Variants in CNKSR2 observed in about 807,000 individuals in gnomAD.
The protein encoded by CNKSR2 is connector enhancer of kinase suppressor of Ras 2, also known as CNK homolog protein 2.
Under a neutral mutation model 84.4 loss-of-function variants are expected in CNKSR2, and 14 were observed. That is an observed-to-expected ratio of 0.17 (90% confidence interval 0.11 to 0.26). The LOEUF is 0.26. CNKSR2 is among the 10% of genes least tolerant of loss of function. CNKSR2 has a pLI of 1.00. For synonymous variants in CNKSR2, 275 were observed against 277.9 expected (o/e 0.99, Z 0.10); for missense variants, 485 against 771.2 (o/e 0.63, Z 4.40).
At chrX:21,569,228 A>G (rs2092265225) in intron 13 of CNKSR2, among the ~76,000 whole-genome samples, 1 of 111,313 alleles carries the variant, frequency 9.0e-6, no homozygotes, top group Non-Finnish European at 1.9e-5. Context: ...TATTATTATT[A>G]TTATTTTTGC....
intron 4 of CNKSR2, among the ~76,000 whole-genome samples, chrX:21,453,301 A>G (rs771431882): frequency 1.3e-4 from 15 of 112,016 alleles, no homozygotes; most frequent in Non-Finnish European, 2.4e-4. Context: ...TTTGCTATAC[A>G]TATATGCAGA....
chrX:21,456,602 T>C (rs1255326553), intron 4 of CNKSR2, among the ~76,000 whole-genome samples: 1 of 111,753 alleles, frequency 8.9e-6, no homozygotes, highest in Non-Finnish European at 1.9e-5. Context: ...GTATCACATT[T>C]TCTGTATCCA....
intron 20 of CNKSR2, among the ~76,000 whole-genome samples, chrX:21,616,967 C>A (rs1275046140): frequency 3.6e-5 from 4 of 112,070 alleles, no homozygotes; most frequent in African/African-American, 1.3e-4. Flanking sequence ...GTAATGACAT[C>A]AGATGTAAAT....
intron 10 of CNKSR2, among the ~76,000 whole-genome samples, chrX:21,530,836 C>A (rs1472701288): frequency 9.0e-6 from 1 of 110,631 alleles, no homozygotes; most frequent in Non-Finnish European, 1.9e-5. Flanking sequence ...CTATTTCTAT[C>A]AAAATGGGCT....
chrX:21,415,848 AC>A (rs2090413484), intron 1 of CNKSR2, among the ~76,000 whole-genome samples: 1 of 102,146 alleles, frequency 9.8e-6, no homozygotes, highest in Non-Finnish European at 2.0e-5. Context: ...ACACACACAC[AC>A]ACACACACAC....
At chrX:21,419,014 C>G (rs2090459407) in intron 1 of CNKSR2, among the ~76,000 whole-genome samples, 2 of 110,930 alleles carry the variant, frequency 1.8e-5, no homozygotes, top group African/African-American at 3.3e-5. Context: ...TCCTCTACCT[C>G]CTGATTAAGG....
In CNKSR2 at chrX:21,374,809, A is replaced by C; in HGVS notation, c.-89A>C. ...CCGCCCGCCCAGGGAGGCTGCGGCC[A>C]GCAAGGGACCCCACCTGAGAGCAGC... On this transcript the variant is annotated 5_prime_UTR_variant, in exon 1 of 22. Transcript: ENST00000379510. 1 of 833,439 alleles carries C rather than the reference A, an allele frequency of 1.2e-6. No individual in the cohort carries two copies. The highest frequency in any genetic ancestry group is 1.8e-6 in the Non-Finnish European group (1 of 552,275). The allele number at this position is 833,439 out of a possible 1,213,427, so 68.7% of individuals were successfully genotyped here. A position where few individuals can be genotyped will look rare whatever the true frequency, so the allele number is the denominator to read the frequency against.
chrX:21,642,195 A>G (rs1304014944), intron 20 of CNKSR2: 1 of 745,142 alleles, frequency 1.3e-6, no homozygotes, highest in Non-Finnish European at 1.6e-6. Flanking sequence ...TGTTTATTCT[A>G]TTATAAAGTG....
Position 21,606,888 on chromosome X carries a change from G to C in CNKSR2, c.2145+9G>C. 9.9e-7 allele frequency: 1 copy of C among 1,009,331 alleles called. No homozygotes were observed. The highest frequency in any genetic ancestry group is 1.4e-6 in the Non-Finnish European group (1 of 726,846). The allele number at this position is 1,009,331 out of a possible 1,213,427, so 83.2% of individuals were successfully genotyped here. On this transcript the variant is annotated intron_variant, in intron 19 of 21. Coordinates refer to ENST00000379510, the MANE Select transcript of CNKSR2 (RefSeq NM_014927.5). ...ACCCACGACCTCCCTCGGTAAGTTAGCAACAAGAACATTACTTATCACCAG... is the reference window on the plus strand; with the variant it reads ...ACCCACGACCTCCCTCGGTAAGTTACCAACAAGAACATTACTTATCACCAG...
At chrX:21,505,231 A>G (rs2091600781) in intron 8 of CNKSR2, 1 of 115,740 alleles carries the variant, frequency 8.6e-6, no homozygotes, top group South Asian at 3.7e-4. Context: ...TGATGGTTGA[A>G]TCTATTAACA....
chrX:21,431,092 C>G (rs1192910155), intron 2 of CNKSR2, among the ~76,000 whole-genome samples: 1 of 111,629 alleles, frequency 9.0e-6, no homozygotes, highest in Non-Finnish European at 1.9e-5. Flanking sequence ...ACATACATAA[C>G]TTGGTATTTA....
chrX:21,439,258 A>G (rs1422418220), intron 3 of CNKSR2, among the ~76,000 whole-genome samples: 1 of 111,453 alleles, frequency 9.0e-6, no homozygotes, highest in East Asian at 2.8e-4. Context: ...CAGCACACTT[A>G]TAAGTAATCC....
chrX:21,494,918 A>G (rs1267586208), intron 6 of CNKSR2: 1 of 111,779 alleles, frequency 8.9e-6, no homozygotes, highest in Non-Finnish European at 1.9e-5. Flanking sequence ...AATTCCAAGG[A>G]CATGTTAATT....
chrX:21,505,670 A>T (rs910236412), intron 8 of CNKSR2: 2 of 111,182 alleles, frequency 1.8e-5, no homozygotes, highest in Non-Finnish European at 3.8e-5. Flanking sequence ...CTTCAACCCC[A>T]GAACAACAGG....
At chrX:21,389,235 T>C (rs2090014351) in intron 1 of CNKSR2, among the ~76,000 whole-genome samples, 1 of 104,155 alleles carries the variant, frequency 9.6e-6, no homozygotes, top group Admixed American at 1.1e-4. Context: ...GCATTCTAGA[T>C]AGGATCTTGG....
intron 4 of CNKSR2, among the ~76,000 whole-genome samples, chrX:21,463,808 G>A: frequency 9.0e-6 from 1 of 111,092 alleles, no homozygotes; most frequent in Non-Finnish European, 1.9e-5. Context: ...TGCTGTGGCT[G>A]AGCTGGTATC....
intron 13 of CNKSR2, among the ~76,000 whole-genome samples, chrX:21,570,173 G>A (rs1216141079): frequency 2.7e-5 from 3 of 112,283 alleles, no homozygotes; most frequent in South Asian, 3.7e-4. Flanking sequence ...GTCCTAGATG[G>A]CATCTTCTTC....
chrX:21,623,760 A>C (rs1424422319), intron 20 of CNKSR2, among the ~76,000 whole-genome samples: 1 of 111,944 alleles, frequency 8.9e-6, no homozygotes, highest in Non-Finnish European at 1.9e-5. Flanking sequence ...TCATTCACGG[A>C]TTTATACCTT....
chrX:21,603,855 T>G (rs1337999580), intron 18 of CNKSR2, among the ~76,000 whole-genome samples: 3 of 112,054 alleles, frequency 2.7e-5, no homozygotes, highest in Non-Finnish European at 5.6e-5. Context: ...AAAGTCTTTT[T>G]TTTTTCAAAT....
Sources: allele counts gnomAD v4.1 joint callset (sites outside exome capture counted in the v4.1 genomes callset), GRCh38; gene constraint gnomAD v4.1.1; transcripts MANE v1.5; gene names NCBI Gene and HGNC (gene_info 2026-07-23, HGNC 2026-07-21).